SLC4A10: variants seen among roughly 807,000 people sequenced by gnomAD.
The protein encoded by SLC4A10 is sodium-driven chloride bicarbonate exchanger.
SLC4A10 carries 42 observed loss-of-function variants against 137.7 expected under a neutral mutation model. The ratio of observed to expected loss-of-function variants is 0.30; its 90% CI spans 0.24 to 0.39. SLC4A10 has a LOEUF of 0.39. SLC4A10 is among the 10% of genes least tolerant of loss of function. SLC4A10 has a pLI of 1.00. For missense variants in SLC4A10, 925 were observed against 1,355.0 expected, an observed-to-expected ratio of 0.68 and a Z score of 4.98; for synonymous variants, 474 against 464.1, an observed-to-expected ratio of 1.02 and a Z score of -0.27.
At chr2:161,950,554 A>G in intron 18 of SLC4A10, 133 bp from the exon 19 acceptor site, 1 of 695,148 alleles carries the variant, frequency 1.4e-6, no homozygotes, top group Non-Finnish European at 2.3e-6. Flanking sequence ...TATGAGTATT[A>G]TTATTATTTA....
chr2:161,913,916 T>C (rs1655167557), intron 15 of SLC4A10, among the ~76,000 whole-genome samples: 1 of 152,242 alleles, frequency 6.6e-6, no homozygotes, highest in Non-Finnish European at 1.5e-5. Context: ...ATTATTCTTG[T>C]TCATGTAAAA....
chr2:161,651,471 T>C (rs992054334), intron 1 of SLC4A10, among the ~76,000 whole-genome samples: 1 of 152,218 alleles, frequency 6.6e-6, no homozygotes, highest in Non-Finnish European at 1.5e-5. Flanking sequence ...CATGCCCCCC[T>C]GCTTGCCATG....
chr2:161,696,695 G>C (rs1193489520), intron 1 of SLC4A10, among the ~76,000 whole-genome samples: 7 of 151,674 alleles, frequency 4.6e-5, no homozygotes, highest in Admixed American at 3.3e-4. Context: ...TTTCTTAATC[G>C]AGTCTATCAT....
intron 1 of SLC4A10, among the ~76,000 whole-genome samples, chr2:161,663,483 T>A (rs1422786190): frequency 6.6e-6 from 1 of 152,152 alleles, no homozygotes; most frequent in Non-Finnish European, 1.5e-5. Context: ...GTTTTGGGTA[T>A]GATATTGTGA....
intron 1 of SLC4A10, among the ~76,000 whole-genome samples, chr2:161,720,690 A>C (rs2045555122): frequency 6.6e-6 from 1 of 152,138 alleles, no homozygotes; most frequent in East Asian, 1.9e-4. Context: ...GTCAGAAACT[A>C]GGATTTCAAC....
At chr2:161,719,481 A>G (rs1392535487) in intron 1 of SLC4A10, among the ~76,000 whole-genome samples, 2 of 152,174 alleles carry the variant, frequency 1.3e-5, no homozygotes, top group Non-Finnish European at 2.9e-5. Flanking sequence ...CGCCGCACTG[A>G]CTTCCACAAT....
intron 6 of SLC4A10, among the ~76,000 whole-genome samples, chr2:161,869,677 A>G (rs2060986844): frequency 6.6e-6 from 1 of 151,648 alleles, no homozygotes; most frequent in South Asian, 2.1e-4. Context: ...TTTAATGTAC[A>G]TTGTTTCAAC....
intron 15 of SLC4A10, among the ~76,000 whole-genome samples, chr2:161,940,855 G>A (rs1446222958): frequency 2.0e-5 from 3 of 152,150 alleles, no homozygotes; most frequent in African/African-American, 7.2e-5. Context: ...TGTAATCCCA[G>A]CCCTTTGGGA....
intron 1 of SLC4A10, among the ~76,000 whole-genome samples, chr2:161,717,211 G>A (rs182963758): frequency 5.7e-4 from 87 of 152,232 alleles, no homozygotes; most frequent in African/African-American, 1.7e-3. Flanking sequence ...AGATGATGGG[G>A]TTTTCTAGGT....
intron 3 of SLC4A10, among the ~76,000 whole-genome samples, chr2:161,829,680 T>C (rs1056719810): frequency 6.6e-6 from 1 of 152,220 alleles, no homozygotes; most frequent in African/African-American, 2.4e-5. Context: ...GAGGATATTT[T>C]ACTTTTTTTC....
intron 2 of SLC4A10, among the ~76,000 whole-genome samples, chr2:161,777,928 T>A (rs1469275771): frequency 1.3e-5 from 2 of 152,014 alleles, no homozygotes; most frequent in African/African-American, 4.8e-5. Context: ...CCAACAGTTT[T>A]ACTCATTACA....
At chr2:161,909,227 TATA>T (rs1685225601) in intron 15 of SLC4A10, among the ~76,000 whole-genome samples, 1 of 151,818 alleles carries the variant, frequency 6.6e-6, no homozygotes, top group Non-Finnish European at 1.5e-5. Context: ...AAACTTAAAG[TATA>T]ATAACAATAA....
chr2:161,953,238 C>A (rs138637011), intron 19 of SLC4A10, among the ~76,000 whole-genome samples: 234 of 152,248 alleles, frequency 1.5e-3, no homozygotes, highest in African/African-American at 5.1e-3. Context: ...TATTTTAGAT[C>A]TTTTTACTTT....
chr2:161,731,777 A>G (rs987105405), intron 1 of SLC4A10, among the ~76,000 whole-genome samples: 1 of 152,102 alleles, frequency 6.6e-6, no homozygotes, highest in African/African-American at 2.4e-5. Context: ...ACATGACTTA[A>G]AATTTACATC....
At chr2:161,766,563 A>G (rs2050819629) in intron 1 of SLC4A10, among the ~76,000 whole-genome samples, 1 of 152,226 alleles carries the variant, frequency 6.6e-6, no homozygotes, top group Middle Eastern at 3.4e-3. Context: ...AGCTTTTGGC[A>G]TTCTGCCTAA....
intron 15 of SLC4A10, among the ~76,000 whole-genome samples, chr2:161,939,385 A>G (rs533284897): frequency 2.0e-4 from 30 of 152,070 alleles, no homozygotes; most frequent in African/African-American, 6.5e-4. Context: ...AGATTTAGCT[A>G]ATTTTCTACA....
At chr2:161,974,815 A>G (rs1255036072) in intron 24 of SLC4A10, among the ~76,000 whole-genome samples, 1 of 152,208 alleles carries the variant, frequency 6.6e-6, no homozygotes, top group Non-Finnish European at 1.5e-5. Context: ...TTCTTTATGT[A>G]CAAAGACATA....
intron 3 of SLC4A10, among the ~76,000 whole-genome samples, chr2:161,825,929 A>G (rs965590296): frequency 5.3e-5 from 8 of 152,186 alleles, no homozygotes; most frequent in Non-Finnish European, 1.2e-4. Context: ...TGGTTTGCAA[A>G]TTCTGCATAT....
intron 3 of SLC4A10, among the ~76,000 whole-genome samples, chr2:161,834,660 T>TACACACACAC (rs72327926): frequency 1.6e-3 from 226 of 141,008 alleles, no homozygotes; most frequent in African/African-American, 5.5e-3. Context: ...CTTTATCGCC[T>TACACACACAC]ACACACACAC....
Sources: gnomAD v4.1 joint callset for allele counts (sites outside exome capture counted in the v4.1 genomes callset) on GRCh38, gnomAD v4.1.1 for gene constraint, MANE v1.5 for transcripts, NCBI Gene and HGNC (gene_info 2026-07-23, HGNC 2026-07-21) for gene names.